The following CPNE4 variants were observed in gnomAD, a reference collection of about 807,000 sequenced individuals.
CPNE4 encodes copine 4.
Under a neutral mutation model 67.9 loss-of-function variants are expected in CPNE4, and 25 were observed. The ratio of observed to expected loss-of-function variants is 0.37; its 90% CI spans 0.27 to 0.51. The LOEUF is 0.51. Among genes scored for constraint, CPNE4 ranks in the 20% least tolerant of loss-of-function variants. The pLI, the probability that CPNE4 is intolerant of heterozygous loss-of-function variation, is 0.93. For missense variants in CPNE4, 464 were observed against 690.8 expected, an observed-to-expected ratio of 0.67 and a Z score of 3.68; for synonymous variants, 242 against 244.9, an observed-to-expected ratio of 0.99 and a Z score of 0.11.
intron 2 of CPNE4, among the ~76,000 whole-genome samples, chr3:131,844,296 C>T (rs941007691): frequency 1.5e-4 from 23 of 150,688 alleles, no homozygotes; most frequent in East Asian, 7.8e-4. Flanking sequence ...AGTCTCGCTC[C>T]GTCACCCAGG....
At chr3:131,811,690 T>C (rs1305225833) in intron 2 of CPNE4, among the ~76,000 whole-genome samples, 1 of 152,188 alleles carries the variant, frequency 6.6e-6, no homozygotes, top group Admixed American at 6.5e-5. Flanking sequence ...GAGGGCATTA[T>C]GTAGATTTTC....
intron 7 of CPNE4, among the ~76,000 whole-genome samples, chr3:131,659,452 G>A (rs1459981777): frequency 1.3e-5 from 2 of 152,174 alleles, no homozygotes; most frequent in African/African-American, 4.8e-5. Context: ...TATTTAGATG[G>A]ACATTCTCTC....
intron 3 of CPNE4, among the ~76,000 whole-genome samples, chr3:131,701,099 T>TGGGGGGG (rs2081288821): frequency 1.5e-5 from 1 of 65,412 alleles, no homozygotes; most frequent in Non-Finnish European, 2.8e-5. Flanking sequence ...TGTTGTGGGG[T>TGGGGGGG]GGGGGGAGGG....
chr3:131,930,447 A>T (rs2071026791), intron 1 of CPNE4, among the ~76,000 whole-genome samples: 1 of 131,466 alleles, frequency 7.6e-6, no homozygotes. Context: ...TTTCCAATTT[A>T]AAAAAAACAA....
chr3:131,641,451 A>ACAATG (rs1259775518), intron 7 of CPNE4, among the ~76,000 whole-genome samples: 1 of 152,196 alleles, frequency 6.6e-6, no homozygotes, highest in Non-Finnish European at 1.5e-5. Context: ...GCAAATCAAA[A>ACAATG]CAATGCAATG....
At chr3:131,729,781 C>T (rs1028291498) in intron 2 of CPNE4, among the ~76,000 whole-genome samples, 1 of 152,222 alleles carries the variant, frequency 6.6e-6, no homozygotes, top group African/African-American at 2.4e-5. Flanking sequence ...TGATCTGCCA[C>T]ATGGACCAGG....
Position 131,694,360 on chromosome 3 carries a change from G to C in CPNE4, c.507+2182C>G, listed in dbSNP as rs79910592. Among the ~76,000 whole-genome samples the C allele has an allele frequency of 8.5e-3, 1,296 of 152,260 alleles. 24 individuals carry two copies. The highest frequency in any genetic ancestry group is 0.03 in the African/African-American group (1,230 of 41,564). On this transcript the variant is annotated intron_variant, in intron 5 of 15. Coordinates refer to ENST00000429747, the MANE Select transcript of CPNE4 (RefSeq NM_130808.3). Reference sequence around the variant, plus strand: ...GCATCTGGGAACTATTTTTCCAGCTGTGACATGAAATAATTATATTATTTT... The same window carrying C: ...GCATCTGGGAACTATTTTTCCAGCTCTGACATGAAATAATTATATTATTTT...
intron 1 of CPNE4, among the ~76,000 whole-genome samples, chr3:132,014,319 C>T (rs1583599043): frequency 6.6e-6 from 1 of 152,170 alleles, no homozygotes; most frequent in South Asian, 2.1e-4. Context: ...TACTCCTCCC[C>T]CCGAATGCTC....
chr3:131,667,485 G>T (rs947470141), intron 7 of CPNE4, among the ~76,000 whole-genome samples: 1 of 151,790 alleles, frequency 6.6e-6, no homozygotes, highest in Non-Finnish European at 1.5e-5. Context: ...AAATGCTACT[G>T]GCATCTAGTA....
chr3:131,542,009 G>T (rs1274753564), intron 15 of CPNE4, among the ~76,000 whole-genome samples: 1 of 152,094 alleles, frequency 6.6e-6, no homozygotes, highest in East Asian at 1.9e-4. Context: ...ATCTTGTTTT[G>T]AAGGAGTTAA....
chr3:131,658,102 C>T (rs891164029), intron 7 of CPNE4, among the ~76,000 whole-genome samples: 1 of 151,478 alleles, frequency 6.6e-6, no homozygotes, highest in Non-Finnish European at 1.5e-5. Context: ...ATAGTTCTTG[C>T]CAAATTTATT....
chr3:131,695,044 C>T (rs1054258425), intron 5 of CPNE4, among the ~76,000 whole-genome samples: 9 of 152,184 alleles, frequency 5.9e-5, no homozygotes, highest in Admixed American at 2.6e-4. Flanking sequence ...GCCCTCATTT[C>T]CTGAAGAGGT....
chr3:131,929,917 A>T (rs1328385119), intron 1 of CPNE4, among the ~76,000 whole-genome samples: 1 of 152,194 alleles, frequency 6.6e-6, no homozygotes, highest in Non-Finnish European at 1.5e-5. Flanking sequence ...TCTATTGTGT[A>T]TCAATGGGCA....
chr3:131,808,371 AAAG>A (rs1248575701), intron 2 of CPNE4, among the ~76,000 whole-genome samples: 1 of 152,206 alleles, frequency 6.6e-6, no homozygotes, highest in African/African-American at 2.4e-5. Context: ...AACATGCATA[AAAG>A]AAGAATTTAT....
intron 1 of CPNE4, among the ~76,000 whole-genome samples, chr3:132,025,718 C>G (rs1204905282): frequency 6.6e-6 from 1 of 152,144 alleles, no homozygotes; most frequent in East Asian, 1.9e-4. Context: ...CACAGCCATC[C>G]TATAACATAG....
intron 2 of CPNE4, among the ~76,000 whole-genome samples, chr3:131,818,402 G>A (rs1324057908): frequency 6.6e-6 from 1 of 152,116 alleles, no homozygotes; most frequent in Non-Finnish European, 1.5e-5. Flanking sequence ...GTCACTAATA[G>A]GTGTGAATTT....
In CPNE4 at chr3:131,585,028, C is replaced by A. The variant is rs188416547; in HGVS notation, c.780+2456G>T. 1.5e-3 allele frequency among the ~76,000 whole-genome samples: 228 copies of A among 152,322 alleles called. 1 individual carries two copies. The highest frequency in any genetic ancestry group is 5.2e-3 in the African/African-American group (216 of 41,574). On this transcript the variant is annotated intron_variant, in intron 8 of 15. Coordinates refer to ENST00000429747, the MANE Select transcript of CPNE4 (RefSeq NM_130808.3). ...TTTCCAGGTCCTCAATCACACCAAG[C>A]TCAGCCCTGCCTCTGTACTTTGCAC...
chr3:131,981,699 A>C (rs980899742), intron 1 of CPNE4, among the ~76,000 whole-genome samples: 23 of 152,204 alleles, frequency 1.5e-4, no homozygotes, highest in African/African-American at 5.5e-4. Context: ...CTCGCGTTGG[A>C]TCACTGTGGT....
intron 7 of CPNE4, among the ~76,000 whole-genome samples, chr3:131,619,408 T>A (rs1164845381): frequency 1.3e-5 from 2 of 152,042 alleles, no homozygotes; most frequent in African/African-American, 4.8e-5. Context: ...CCCTCAGCTG[T>A]AAAAACTATA....
Sources: allele counts gnomAD v4.1 joint callset (sites outside exome capture counted in the v4.1 genomes callset), GRCh38; gene constraint gnomAD v4.1.1; transcripts MANE v1.5; gene names NCBI Gene and HGNC (gene_info 2026-07-23, HGNC 2026-07-21).